Variants in CORO1C observed in about 807,000 individuals in gnomAD.
CORO1C encodes the protein coronin 1C, also known as coronin-1C.
A neutral mutation model predicts 51.2 loss-of-function variants in CORO1C; 14 were observed. The ratio of observed to expected loss-of-function variants is 0.27; its 90% confidence interval spans 0.18 to 0.43. The LOEUF (loss-of-function observed/expected upper bound fraction) is 0.43, where lower values mean the gene tolerates loss of function less well. Ranked by LOEUF, CORO1C falls within the 20% of genes least tolerant of loss-of-function variation. The pLI, the probability that CORO1C is intolerant of heterozygous loss-of-function variation, is 1.00. For synonymous variants in CORO1C, 181 were observed against 210.5 expected, an observed-to-expected ratio of 0.86 and a Z score of 1.21; for missense variants, 417 against 607.8, an observed-to-expected ratio of 0.69 and a Z score of 3.30.
At chr12:108,726,073 T>A (rs966452348) in intron 1 of CORO1C, among the ~76,000 whole-genome samples, 2 of 152,170 alleles carry the variant, frequency 1.3e-5, no homozygotes, top group Non-Finnish European at 2.9e-5. Context: ...GACCTCGTGA[T>A]CTGCCCGCCT....
chr12:108,696,149 G>C (rs1271561507), intron 2 of CORO1C, among the ~76,000 whole-genome samples: 1 of 152,184 alleles, frequency 6.6e-6, no homozygotes. Context: ...GGCCAGAGCA[G>C]CATTCTTGTC....
intron 6 of CORO1C, among the ~76,000 whole-genome samples, chr12:108,656,911 C>T (rs537405765): frequency 2.6e-5 from 4 of 152,256 alleles, no homozygotes; most frequent in African/African-American, 7.2e-5. Context: ...ACAAACACTG[C>T]GGAAGGCCGC....
chr12:108,687,012 C>T (rs1347013358), intron 2 of CORO1C, among the ~76,000 whole-genome samples: 2 of 152,138 alleles, frequency 1.3e-5, no homozygotes, highest in Non-Finnish European at 2.9e-5. Flanking sequence ...TGGCAGAAAC[C>T]GTCCCAGATA....
intron 2 of CORO1C, among the ~76,000 whole-genome samples, chr12:108,699,996 T>C (rs374889542): frequency 2.6e-5 from 4 of 152,298 alleles, no homozygotes; most frequent in African/African-American, 4.8e-5. Flanking sequence ...TCCAAGAGAA[T>C]TGGACATTTT....
intron 3 of CORO1C, among the ~76,000 whole-genome samples, chr12:108,667,928 G>A (rs1228891986): frequency 3.9e-5 from 6 of 152,298 alleles, no homozygotes; most frequent in East Asian, 3.9e-4. Context: ...TTTCTCTCAC[G>A]TGCTAATTTT....
rs1362549971 is a variant in CORO1C, at chr12:108,645,876, A to G, written c.*1527T>C. ...CCCTTCCAAAACAGAGGCTCCTTAA[A>G]TCTTGTTTCCCAAGCATGCACTATA... On this transcript the variant is annotated 3_prime_UTR_variant, in exon 11 of 11. Coordinates refer to ENST00000261401, the MANE Select transcript of CORO1C (RefSeq NM_014325.4). The G allele has an allele frequency of 6.6e-6, 1 of 152,192 alleles. No homozygotes were observed. The highest frequency in any genetic ancestry group is 1.9e-4 in the East Asian group (1 of 5,198). 9.4% of individuals were successfully genotyped at this position (152,192 alleles called of 1,614,324 possible).
At chr12:108,705,507 A>C (rs1165940418) in intron 1 of CORO1C, among the ~76,000 whole-genome samples, 1 of 151,760 alleles carries the variant, frequency 6.6e-6, no homozygotes, top group Non-Finnish European at 1.5e-5. Flanking sequence ...CACAGACAAG[A>C]AAGCCCAGAC....
intron 4 of CORO1C, among the ~76,000 whole-genome samples, chr12:108,659,846 T>C (rs2033181634): frequency 6.6e-6 from 1 of 152,208 alleles, no homozygotes; most frequent in African/African-American, 2.4e-5. Flanking sequence ...ACTGCTCTGA[T>C]CATGGTGAGA....
rs574074922 is a variant in CORO1C, at chr12:108,675,270, G to C, written c.318+3002C>G. Among the ~76,000 whole-genome samples, 14 of 152,244 alleles carry C rather than the reference G, an allele frequency of 9.2e-5. No homozygotes were observed. The South Asian group carries it at 2.7e-3, about 29-fold the overall frequency. On this transcript the variant is annotated intron_variant, in intron 3 of 10. Coordinates refer to ENST00000261401, the MANE Select transcript of CORO1C (RefSeq NM_014325.4). The stretch of plus-strand genomic sequence containing the variant: ...AGGACTTCCGAAAGAAATGGCTTGG[G>C]CAGGGATGTCCAAAGTGAGCCTGAA...
intron 4 of CORO1C, among the ~76,000 whole-genome samples, chr12:108,659,343 C>A (rs1455678116): frequency 6.6e-6 from 1 of 152,136 alleles, no homozygotes; most frequent in Non-Finnish European, 1.5e-5. Context: ...CTTTGGGAGA[C>A]CCCTATTAGG....
chr12:108,705,474 A>AAAC (rs1555221828), intron 1 of CORO1C, among the ~76,000 whole-genome samples: 2 of 150,814 alleles, frequency 1.3e-5, no homozygotes, highest in African/African-American at 4.9e-5. Context: ...AAAAAAAAAA[A>AAAC]AAAAAAAAGA....
At chr12:108,650,257 C>T (rs2032586220) in intron 8 of CORO1C, among the ~76,000 whole-genome samples, 1 of 133,738 alleles carries the variant, frequency 7.5e-6, no homozygotes, top group South Asian at 2.5e-4. Flanking sequence ...GGCACAAGCT[C>T]ATTGAGGTCT....
At chr12:108,703,417 GGTAAAA>G (rs1328053200) in intron 1 of CORO1C, among the ~76,000 whole-genome samples, 2 of 152,072 alleles carry the variant, frequency 1.3e-5, no homozygotes, top group Non-Finnish European at 2.9e-5. Context: ...AATAAAAGCA[GGTAAAA>G]ACATGAAAGG....
intron 1 of CORO1C, chr12:108,702,676 A>C: frequency 9.2e-7 from 1 of 1,085,914 alleles, no homozygotes; most frequent in Non-Finnish European, 1.3e-6. Flanking sequence ...CTGTCCACTC[A>C]TGCCAGACGA....
At chr12:108,691,936 T>A (rs1001141236) in intron 2 of CORO1C, among the ~76,000 whole-genome samples, 1 of 152,070 alleles carries the variant, frequency 6.6e-6, no homozygotes, top group East Asian at 1.9e-4. Flanking sequence ...CATTGGGAAG[T>A]TCCTTCTGCC....
chr12:108,691,002 G>A (rs566615889), intron 2 of CORO1C, among the ~76,000 whole-genome samples: 1 of 152,130 alleles, frequency 6.6e-6, no homozygotes, highest in South Asian at 2.1e-4. Context: ...TCCCATTGCA[G>A]CTCTGCATTG....
At chr12:108,729,850 C>G (rs1174371377) in intron 1 of CORO1C, among the ~76,000 whole-genome samples, 1 of 152,156 alleles carries the variant, frequency 6.6e-6, no homozygotes, top group East Asian at 1.9e-4. Context: ...CGGTACAAAG[C>G]AACTGCTTAT....
intron 2 of CORO1C, among the ~76,000 whole-genome samples, chr12:108,689,132 G>A (rs780053892): frequency 6.6e-5 from 10 of 152,152 alleles, no homozygotes; most frequent in African/African-American, 1.4e-4. Context: ...CCCGGAAGGC[G>A]GAGGTTGCAG....
intron 2 of CORO1C, among the ~76,000 whole-genome samples, chr12:108,693,049 C>T (rs1450972921): frequency 1.3e-5 from 2 of 152,004 alleles, no homozygotes; most frequent in African/African-American, 2.4e-5. Flanking sequence ...CCACCTGCCT[C>T]GGCCTCCCAA....
Sources: allele counts gnomAD v4.1 joint callset (sites outside exome capture counted in the v4.1 genomes callset), GRCh38; gene constraint gnomAD v4.1.1; transcripts MANE v1.5; gene names NCBI Gene and HGNC (gene_info 2026-07-23, HGNC 2026-07-21).